The following ZNF600 variants were observed in gnomAD, a reference collection of about 807,000 sequenced individuals.
The protein encoded by ZNF600 is zinc finger protein KR-ZNF1.
ZNF600 carries 4 observed loss-of-function variants against 7.3 expected under a neutral mutation model. The observed-to-expected ratio is 0.55, with a 90% CI of 0.27 to 1.25. ZNF600 has a LOEUF of 1.25. ZNF600 is among the 50% of genes most tolerant of loss of function. The probability of loss-of-function intolerance (pLI) is 0.12; values close to 1 mark genes in which losing one functional copy is unlikely to be tolerated. For missense variants in ZNF600, 911 were observed against 922.1 expected, an observed-to-expected ratio of 0.99 and a Z score of 0.16; for synonymous variants, 290 against 308.9, an observed-to-expected ratio of 0.94 and a Z score of 0.64.
the ZNF600 span, among the ~76,000 whole-genome samples, chr19:52,811,655 G>GC: frequency 1.4e-5 from 2 of 145,394 alleles, no homozygotes; most frequent in East Asian, 2.1e-4. Context: ...CCTCTGCCTG[G>GC]CAACCGCCCC....
At chr19:52,787,239 A>G (rs1010292322), upstream of ZNF600, among the ~76,000 whole-genome samples, 12 of 152,120 alleles carry the variant, frequency 7.9e-5, no homozygotes, top group African/African-American at 2.4e-4. Flanking sequence ...TGCTGCCTAA[A>G]CACAGCAGGG....
At chr19:52,775,728 C>T (rs578106167) in intron 2 of ZNF600, among the ~76,000 whole-genome samples, 3 of 152,086 alleles carry the variant, frequency 2.0e-5, no homozygotes, top group African/African-American at 7.2e-5. Context: ...GTCATGACTG[C>T]GCAGGCACAG....
chr19:52,827,121 T>C, the ZNF600 span, among the ~76,000 whole-genome samples: 1 of 151,852 alleles, frequency 6.6e-6, no homozygotes, highest in Non-Finnish European at 1.5e-5. Context: ...GACACATGCC[T>C]GTCATCCTAG....
chr19:52,775,172 G>A (rs1600386850), intron 2 of ZNF600, among the ~76,000 whole-genome samples: 1 of 152,032 alleles, frequency 6.6e-6, no homozygotes, highest in Non-Finnish European at 1.5e-5. Context: ...CCCAGGAGAT[G>A]GAGGCTACAG....
the ZNF600 span, chr19:52,809,763 C>A: frequency 2.1e-6 from 1 of 479,554 alleles, no homozygotes; most frequent in Non-Finnish European, 3.7e-6. Context: ...TGAGATCATG[C>A]CACTTCACTG....
the ZNF600 span, chr19:52,799,309 G>T: frequency 2.2e-6 from 1 of 449,114 alleles, no homozygotes; most frequent in Non-Finnish European, 4.2e-6. Flanking sequence ...TGTTTTGCCA[G>T]GTATGAATTA....
chr19:52,793,148 C>T, the ZNF600 span, among the ~76,000 whole-genome samples: 2 of 152,114 alleles, frequency 1.3e-5, no homozygotes, highest in African/African-American at 2.4e-5. Context: ...TGATGGTTTG[C>T]TATACTCAGT....
the ZNF600 span, among the ~76,000 whole-genome samples, chr19:52,825,193 C>T: frequency 6.6e-6 from 1 of 152,212 alleles, no homozygotes; most frequent in East Asian, 1.9e-4. Flanking sequence ...CCTCCAGATA[C>T]ATGTAGCGAA....
chr19:52,785,599 A>G (rs1301624285), intron 1 of ZNF600, among the ~76,000 whole-genome samples: 1 of 151,780 alleles, frequency 6.6e-6, no homozygotes, highest in Non-Finnish European at 1.5e-5. Flanking sequence ...ATCTTCCTCA[A>G]TGTCTATATA....
At chr19:52,813,255 A>AAAAAAAAAAG in the ZNF600 span, among the ~76,000 whole-genome samples, 1 of 145,324 alleles carries the variant, frequency 6.9e-6, no homozygotes, top group Non-Finnish European at 1.5e-5. Context: ...TGGTGAAAAA[A>AAAAAAAAAAG]AAAAAAAAAA....
At chr19:52,772,274 C>T (rs1267094354) in intron 3 of ZNF600, among the ~76,000 whole-genome samples, 1 of 151,986 alleles carries the variant, frequency 6.6e-6, no homozygotes, top group Admixed American at 6.6e-5. Flanking sequence ...AACCAATGTA[C>T]TCCAGCCTGG....
chr19:52,805,686 T>C, the ZNF600 span: 2 of 75,218 alleles, frequency 2.7e-5, no homozygotes, highest in Non-Finnish European at 7.4e-5. Flanking sequence ...CCAGTAAAGG[T>C]AGTAAAAACA....
chr19:52,791,891 C>A, the ZNF600 span, among the ~76,000 whole-genome samples: 1 of 152,210 alleles, frequency 6.6e-6, no homozygotes, highest in East Asian at 1.9e-4. Context: ...GACAGCCCCT[C>A]ACCTCTCTGT....
the ZNF600 span, chr19:52,798,922 C>G: frequency 7.0e-7 from 1 of 1,434,980 alleles, no homozygotes; most frequent in Non-Finnish European, 9.4e-7. Context: ...CTTTGCCACA[C>G]TCATTGCACT....
the ZNF600 span, chr19:52,805,989 A>G: frequency 6.6e-6 from 1 of 152,200 alleles, no homozygotes; most frequent in Non-Finnish European, 1.5e-5. Context: ...TCATAAATAC[A>G]TAAAGTAATT....
upstream of ZNF600, among the ~76,000 whole-genome samples, chr19:52,788,813 G>A (rs144198848): frequency 2.0e-5 from 3 of 152,332 alleles, no homozygotes; most frequent in East Asian, 5.8e-4. Flanking sequence ...CTGCACCATT[G>A]TAGGTATTAT....
chr19:52,824,756 G>A, the ZNF600 span, among the ~76,000 whole-genome samples: 2 of 152,082 alleles, frequency 1.3e-5, no homozygotes, highest in African/African-American at 2.4e-5. Flanking sequence ...ACCAAAAACC[G>A]TGAAAGCTGG....
exon 4 of ZNF600, chr19:52,767,062 A>G (rs752337344): frequency 6.2e-7 from 1 of 1,614,024 alleles, no homozygotes; most frequent in South Asian, 1.1e-5. Flanking sequence ...CATGTAAGGG[A>G]TGATACCTGA....
the ZNF600 span, chr19:52,809,834 C>CGGCGGCGGT: frequency 2.0e-4 from 112 of 555,762 alleles, no homozygotes; most frequent in African/African-American, 2.1e-3. Flanking sequence ...GCGGCGGCGG[C>CGGCGGCGGT]GGCGGTGGCG....
Sources: allele counts gnomAD v4.1 joint callset (sites outside exome capture counted in the v4.1 genomes callset), GRCh38; gene constraint gnomAD v4.1.1; transcripts MANE v1.5; gene names NCBI Gene and HGNC (gene_info 2026-07-23, HGNC 2026-07-21).